The following MAML2 variants were observed in gnomAD, a reference collection of about 807,000 sequenced individuals.
The protein encoded by MAML2 is mastermind like transcriptional coactivator 2.
Under a neutral mutation model 96.1 loss-of-function variants are expected in MAML2, and 22 were observed. The observed-to-expected ratio is 0.23, with a 90% CI of 0.16 to 0.33. The LOEUF (loss-of-function observed/expected upper bound fraction) is 0.33, where lower values mean the gene tolerates loss of function less well. Among genes scored for constraint, MAML2 ranks in the 10% least tolerant of loss-of-function variants. MAML2 has a pLI of 1.00. For missense variants in MAML2, 1,367 were observed against 1,392.4 expected (o/e 0.98, Z 0.29); for synonymous variants, 561 against 521.3 (o/e 1.08, Z -1.04).
At chr11:96,100,196 A>G (rs989539561) in intron 1 of MAML2, among the ~76,000 whole-genome samples, 1 of 152,170 alleles carries the variant, frequency 6.6e-6, no homozygotes, top group Non-Finnish European at 1.5e-5. Context: ...ATGCTTCCTT[A>G]TGAATTTCAG....
chr11:96,058,907 C>A (rs551822964), intron 2 of MAML2, among the ~76,000 whole-genome samples: 7 of 152,242 alleles, frequency 4.6e-5, no homozygotes, highest in African/African-American at 1.4e-4. Context: ...CATGGTAAAA[C>A]CCTGTCTCTA....
intron 2 of MAML2, among the ~76,000 whole-genome samples, chr11:96,009,661 C>T (rs1261073968): frequency 2.3e-4 from 35 of 152,288 alleles, no homozygotes; most frequent in Admixed American, 2.3e-3. Context: ...TGACATATAT[C>T]TTCACTTCTT....
At chr11:96,042,061 C>T (rs1446975422) in intron 2 of MAML2, among the ~76,000 whole-genome samples, 3 of 151,454 alleles carry the variant, frequency 2.0e-5, no homozygotes, top group Non-Finnish European at 2.9e-5. Context: ...ACTGCAAGCT[C>T]CACCTCCCGG....
chr11:96,312,651 C>T (rs1217962238), intron 1 of MAML2, among the ~76,000 whole-genome samples: 1 of 152,168 alleles, frequency 6.6e-6, no homozygotes, highest in South Asian at 2.1e-4. Flanking sequence ...AGGCTATCCA[C>T]TATTTTTTTT....
chr11:96,230,401 G>C (rs953276111), intron 1 of MAML2, among the ~76,000 whole-genome samples: 1 of 151,846 alleles, frequency 6.6e-6, no homozygotes, highest in Non-Finnish European at 1.5e-5. Flanking sequence ...CTCTTTTAAG[G>C]ATTTATACAT....
At chr11:96,250,274 ATTT>A (rs1422921376) in intron 1 of MAML2, among the ~76,000 whole-genome samples, 5 of 109,338 alleles carry the variant, frequency 4.6e-5, no homozygotes, top group Non-Finnish European at 9.6e-5. Context: ...TTAAAATTTT[ATTT>A]TTTAAATTGA....
At chr11:96,077,468 G>T (rs979797266) in intron 2 of MAML2, among the ~76,000 whole-genome samples, 9 of 151,874 alleles carry the variant, frequency 5.9e-5, no homozygotes, top group Non-Finnish European at 1.3e-4. Flanking sequence ...TCATCCACCC[G>T]CCTCAGCCTC....
intron 1 of MAML2, among the ~76,000 whole-genome samples, chr11:96,258,434 T>C (rs752248507): frequency 3.3e-5 from 5 of 152,220 alleles, no homozygotes; most frequent in Admixed American, 2.0e-4. Context: ...TGAAGAAGCT[T>C]ACATGTGTTT....
At chr11:95,983,489 A>G (rs570238126) in intron 4 of MAML2, among the ~76,000 whole-genome samples, 3 of 152,150 alleles carry the variant, frequency 2.0e-5, no homozygotes, top group South Asian at 4.1e-4. Flanking sequence ...GGTGTTTTGT[A>G]GCACTCTAGG....
intron 1 of MAML2, among the ~76,000 whole-genome samples, chr11:96,270,526 G>C (rs11606496): frequency 0.17 from 25,536 of 152,036 alleles, 2,611 homozygotes; most frequent in African/African-American, 0.26. Context: ...GGTCAGGCTG[G>C]TCTCGAACTC....
At chr11:96,318,763 A>G (rs188712000) in intron 1 of MAML2, among the ~76,000 whole-genome samples, 66 of 152,392 alleles carry the variant, frequency 4.3e-4, no homozygotes, top group Non-Finnish European at 2.9e-5. Flanking sequence ...TGTCCTCAGT[A>G]TATAGGGGAC....
At chr11:96,201,151 A>G (rs1464505601) in intron 1 of MAML2, among the ~76,000 whole-genome samples, 1 of 152,212 alleles carries the variant, frequency 6.6e-6, no homozygotes, top group African/African-American at 2.4e-5. Flanking sequence ...GTTCCATATA[A>G]CTACTTACCA....
At position 96,258,272 on chromosome 11, in the gene MAML2, T is replaced by C. The variant is rs146738939; in HGVS notation, c.513+83111A>G. On this transcript the variant is annotated intron_variant, in intron 1 of 4. Coordinates refer to ENST00000524717, the MANE Select transcript of MAML2 (RefSeq NM_032427.4). ...TTCATTTACATATTGTACCAATTAA[T>C]ATATCTTGGTACTAATCAGAGTGGA... Among the ~76,000 whole-genome samples the C allele has an allele frequency of 8.3e-4, 127 of 152,342 alleles. 2 individuals are homozygous for C. The East Asian group carries it at 0.022, about 27-fold the overall frequency.
intron 1 of MAML2, among the ~76,000 whole-genome samples, chr11:96,189,118 C>A (rs188873405): frequency 6.6e-6 from 1 of 151,728 alleles, no homozygotes. Context: ...ACCACCTCTG[C>A]ACCCATTATT....
At chr11:96,118,288 C>G (rs996615425) in intron 1 of MAML2, among the ~76,000 whole-genome samples, 2 of 149,202 alleles carry the variant, frequency 1.3e-5, no homozygotes, top group Non-Finnish European at 3.0e-5. Context: ...CAAATCTCAT[C>G]TCAAATTGTA....
chr11:96,304,579 T>C (rs1204333917), intron 1 of MAML2, among the ~76,000 whole-genome samples: 2 of 152,216 alleles, frequency 1.3e-5, no homozygotes, highest in Non-Finnish European at 2.9e-5. Context: ...CAGGTTTTTC[T>C]TTATCTAGAA....
In MAML2 at chr11:96,092,320, T is replaced by G. The variant is rs765890649; in HGVS notation, c.1711A>C (p.Met571Leu). 3.1e-6 allele frequency: 5 copies of G among 1,594,818 alleles called. No homozygotes were observed. Among genetic ancestry groups the G allele is most frequent in the Non-Finnish European group, 3.4e-6 (4 of 1,170,164 alleles). The change falls in exon 2 of 5, where the codon ATG becomes CTG. Residue 571 changes from methionine (M) to leucine (L), a missense_variant. Physicochemically the swap from Met to Leu is conservative, Grantham distance 15. Transcript: ENST00000524717. The surrounding 1 kb of genome is among the most constrained non-coding windows in gnomAD (Gnocchi z 4.1). ...HFNSDQANQQ[M>L]PSVLPSQNKP... ...TTCTGGGAAGGCAAAACAGAAGGCATCTGCTGGTTCGCTTGATCTGAGTTA... is the reference window on the plus strand; with the variant it reads ...TTCTGGGAAGGCAAAACAGAAGGCAGCTGCTGGTTCGCTTGATCTGAGTTA...
chr11:96,145,492 G>A (rs1860801399), intron 1 of MAML2, among the ~76,000 whole-genome samples: 1 of 152,192 alleles, frequency 6.6e-6, no homozygotes, highest in South Asian at 2.1e-4. Context: ...AATTTTTAGG[G>A]AAAAGATGAA....
chr11:96,035,140 G>C (rs1323622981), intron 2 of MAML2, among the ~76,000 whole-genome samples: 1 of 152,136 alleles, frequency 6.6e-6, no homozygotes, highest in Non-Finnish European at 1.5e-5. Context: ...CTACCACAAA[G>C]ATAAAAGATT....
Sources: allele counts gnomAD v4.1 joint callset (sites outside exome capture counted in the v4.1 genomes callset), GRCh38; gene constraint gnomAD v4.1.1; non-coding constraint Gnocchi (gnomAD v3.1); transcripts MANE v1.5; gene names NCBI Gene and HGNC (gene_info 2026-07-23, HGNC 2026-07-21).